FAM107B: variants seen among roughly 807,000 people sequenced by gnomAD.
The protein encoded by FAM107B is protein FAM107B.
A neutral mutation model predicts 31.5 loss-of-function variants in FAM107B; 21 were observed. The observed-to-expected ratio is 0.67, with a 90% CI of 0.47 to 0.96. The LOEUF (loss-of-function observed/expected upper bound fraction) is 0.96. FAM107B is among the 40% of genes least tolerant of loss of function. FAM107B has a pLI of 0.00. For synonymous variants in FAM107B, 157 were observed against 141.5 expected, an observed-to-expected ratio of 1.11 and a Z score of -0.78; for missense variants, 452 against 377.1, an observed-to-expected ratio of 1.20 and a Z score of -1.64.
chr10:14,639,450 T>G (rs1853579489), intron 2 of FAM107B, among the ~76,000 whole-genome samples: 2 of 152,200 alleles, frequency 1.3e-5, no homozygotes, highest in African/African-American at 4.8e-5. Context: ...CTGCCTGATT[T>G]TTGGTTCAGC....
chr10:14,694,830 C>T (rs1398354964), intron 1 of FAM107B, among the ~76,000 whole-genome samples: 1 of 152,046 alleles, frequency 6.6e-6, no homozygotes, highest in East Asian at 1.9e-4. Context: ...GGTCTTTTGA[C>T]CATTTTTTAA....
chr10:14,634,512 C>A (rs7906979), intron 2 of FAM107B, among the ~76,000 whole-genome samples: 147,477 of 152,180 alleles, frequency 0.97, 71,644 homozygotes, highest in East Asian at 1. Context: ...GAATGGGAAT[C>A]AATAGAGGGA....
chr10:14,759,947 G>C (rs1275971099), intron 1 of FAM107B, among the ~76,000 whole-genome samples: 1 of 152,102 alleles, frequency 6.6e-6, no homozygotes, highest in East Asian at 1.9e-4. Flanking sequence ...CCTGACCTCA[G>C]GTGATCCACT....
intron 1 of FAM107B, among the ~76,000 whole-genome samples, chr10:14,702,160 C>G (rs971186133): frequency 6.6e-6 from 1 of 152,210 alleles, no homozygotes; most frequent in South Asian, 2.1e-4. Context: ...AACAAAGACA[C>G]GCACATAGCT....
At chr10:14,709,855 G>A (rs1237718916) in intron 1 of FAM107B, among the ~76,000 whole-genome samples, 2 of 152,070 alleles carry the variant, frequency 1.3e-5, no homozygotes, top group Non-Finnish European at 2.9e-5. Context: ...CCAAATATAC[G>A]ACATTCTGAA....
intron 2 of FAM107B, among the ~76,000 whole-genome samples, chr10:14,598,145 T>A (rs924490971): frequency 6.6e-6 from 1 of 152,190 alleles, no homozygotes; most frequent in Non-Finnish European, 1.5e-5. Flanking sequence ...CTCCGTTGAC[T>A]GTTTCCTTTG....
chr10:14,675,337 A>C (rs571331069), intron 1 of FAM107B, among the ~76,000 whole-genome samples: 22 of 151,946 alleles, frequency 1.4e-4, no homozygotes, highest in Non-Finnish European at 2.8e-4. Flanking sequence ...ACATTTTCTC[A>C]TTTGTCTGGT....
chr10:14,552,112 T>G (rs138186534), intron 2 of FAM107B, among the ~76,000 whole-genome samples: 1 of 152,228 alleles, frequency 6.6e-6, no homozygotes, highest in Admixed American at 6.5e-5. Flanking sequence ...GGACGGTCTG[T>G]GTGATCACAT....
At chr10:14,745,987 A>G (rs1454242282) in intron 1 of FAM107B, among the ~76,000 whole-genome samples, 2 of 152,078 alleles carry the variant, frequency 1.3e-5, no homozygotes, top group African/African-American at 4.8e-5. Context: ...GTGCTCCTGT[A>G]TTGAGTGTAT....
chr10:14,625,030 G>T (rs1853120782), intron 2 of FAM107B, among the ~76,000 whole-genome samples: 1 of 152,074 alleles, frequency 6.6e-6, no homozygotes, highest in Admixed American at 6.6e-5. Flanking sequence ...TTTGAGACCA[G>T]CCTGGCCAAC....
At chr10:14,663,723 T>C (rs1021764902) in intron 2 of FAM107B, among the ~76,000 whole-genome samples, 6 of 152,050 alleles carry the variant, frequency 3.9e-5, no homozygotes, top group African/African-American at 1.2e-4. Context: ...CTCCAATGTA[T>C]ACAGACACAA....
At chr10:14,624,770 G>GA (rs1853112790) in intron 2 of FAM107B, among the ~76,000 whole-genome samples, 1 of 152,184 alleles carries the variant, frequency 6.6e-6, no homozygotes, top group Non-Finnish European at 1.5e-5. Flanking sequence ...CGCAAGAAAA[G>GA]AAAAACAGAG....
chr10:14,568,832 G>A (rs1168972470), intron 2 of FAM107B, among the ~76,000 whole-genome samples: 1 of 151,724 alleles, frequency 6.6e-6, no homozygotes, highest in Non-Finnish European at 1.5e-5. Context: ...GCAAAGAGCA[G>A]TCCCAGGAAC....
chr10:14,633,799 T>C (rs894564668), intron 2 of FAM107B, among the ~76,000 whole-genome samples: 4 of 152,204 alleles, frequency 2.6e-5, no homozygotes, highest in African/African-American at 9.6e-5. Flanking sequence ...ATTGATTCAA[T>C]AGACACCTGG....
intron 1 of FAM107B, among the ~76,000 whole-genome samples, chr10:14,717,132 G>A (rs1211547274): frequency 1.3e-5 from 2 of 152,024 alleles, no homozygotes; most frequent in African/African-American, 4.8e-5. Flanking sequence ...CTTGTACATG[G>A]CAACCACCCG....
intron 2 of FAM107B, among the ~76,000 whole-genome samples, chr10:14,559,419 ATTC>A (rs1850032400): frequency 1.3e-5 from 2 of 151,728 alleles, no homozygotes; most frequent in Admixed American, 1.3e-4. Context: ...AAGAGCTTCC[ATTC>A]TAATGGAAAC....
chr10:14,709,469 C>G (rs901035695), intron 1 of FAM107B, among the ~76,000 whole-genome samples: 1 of 151,954 alleles, frequency 6.6e-6, no homozygotes, highest in Non-Finnish European at 1.5e-5. Context: ...TGTAGGGAAA[C>G]TCCAGTTTTT....
At chr10:14,546,612 T>C (rs1206571268) in intron 2 of FAM107B, among the ~76,000 whole-genome samples, 1 of 152,218 alleles carries the variant, frequency 6.6e-6, no homozygotes. Context: ...TTATTACCAT[T>C]GAGCAGCTAC....
chr10:14,586,534 T>C (rs1233922373), intron 2 of FAM107B, among the ~76,000 whole-genome samples: 3 of 152,122 alleles, frequency 2.0e-5, no homozygotes, highest in East Asian at 3.9e-4. Context: ...TGAATGGGAT[T>C]AGTGCCCTTA....
Sources: gnomAD v4.1 joint callset for allele counts (sites outside exome capture counted in the v4.1 genomes callset) on GRCh38, gnomAD v4.1.1 for gene constraint, MANE v1.5 for transcripts, NCBI Gene and HGNC (gene_info 2026-07-23, HGNC 2026-07-21) for gene names.